NEDD9: variants seen among roughly 807,000 people sequenced by gnomAD.
The protein encoded by NEDD9 is enhancer of filamentation 1.
In NEDD9, 26 loss-of-function variants were observed where a neutral mutation model predicts 76.6. The observed-to-expected ratio is 0.34, with a 90% CI of 0.25 to 0.47. The LOEUF (loss-of-function observed/expected upper bound fraction) is 0.47. Among genes scored for constraint, NEDD9 ranks in the 20% least tolerant of loss-of-function variants. NEDD9 has a pLI of 1.00. For synonymous variants in NEDD9, 392 were observed against 414.2 expected (o/e 0.95, Z 0.65); for missense variants, 937 against 1,058.5 (o/e 0.89, Z 1.59).
At chr6:11,298,022 C>G (rs11754218) in intron 3 of NEDD9, among the ~76,000 whole-genome samples, 21,845 of 151,778 alleles carry the variant, frequency 0.14, 1,635 homozygotes, top group Middle Eastern at 0.22. Context: ...ATTCTCATGC[C>G]TCAGCCTTCT....
intron 3 of NEDD9, among the ~76,000 whole-genome samples, chr6:11,270,042 T>G (rs961054287): frequency 6.6e-6 from 1 of 152,134 alleles, no homozygotes; most frequent in South Asian, 2.1e-4. Flanking sequence ...GGCAGAAGAA[T>G]TGCTTGAACC....
chr6:11,372,666 C>T (rs1178444104), intron 1 of NEDD9, among the ~76,000 whole-genome samples: 1 of 152,126 alleles, frequency 6.6e-6, no homozygotes, highest in Admixed American at 6.5e-5. Context: ...TTTGTTATTG[C>T]CTGACTTTTG....
intron 2 of NEDD9, among the ~76,000 whole-genome samples, chr6:11,329,145 C>G (rs1171378691): frequency 6.6e-6 from 1 of 152,206 alleles, no homozygotes; most frequent in East Asian, 1.9e-4. Flanking sequence ...GGCCCTAAGA[C>G]AAATGCACAA....
At chr6:11,208,329 T>C (rs1375585110) in intron 2 of NEDD9, among the ~76,000 whole-genome samples, 1 of 152,208 alleles carries the variant, frequency 6.6e-6, no homozygotes, top group East Asian at 1.9e-4. Context: ...TGCTCATTGA[T>C]TGTATATGAA....
rs1340131458 is a variant in NEDD9, at chr6:11,201,138, T to G, written c.460-7446A>C. The stretch of plus-strand genomic sequence containing the variant: ...GCAAGTCTCCTTGGGGGCACTTCTT[T>G]CCTTGGGCATCCACTTCACCTCCTT... On this transcript the variant is annotated intron_variant, in intron 2 of 6. Coordinates refer to ENST00000379446, the MANE Select transcript of NEDD9 (RefSeq NM_006403.4). 2.4e-5 allele frequency: 35 copies of G among 1,437,876 alleles called. No homozygotes were observed. In the East Asian group the frequency reaches 7.7e-4, roughly 32 times the overall value. 89.1% of individuals were successfully genotyped at this position (1,437,876 alleles called of 1,614,324 possible).
In NEDD9 at chr6:11,190,485, A is replaced by G; in HGVS notation, c.1384T>C (p.Tyr462His). The G allele has an allele frequency of 1.2e-6, 2 of 1,614,058 alleles. No individual in the cohort carries two copies. The highest frequency in any genetic ancestry group is 1.7e-6 in the Non-Finnish European group (2 of 1,180,010). The change falls in exon 5 of 7, where the codon TAC becomes CAC. Residue 462 changes from tyrosine (Y) to histidine (H), a missense_variant. Tyr to His is a moderately conservative substitution (Grantham distance 83, BLOSUM62 2). Transcript: ENST00000379446. The surrounding 1 kb of genome is among the most constrained non-coding windows in gnomAD (Gnocchi z 5.8). ...VDKVELFLKE[Y>H]LHFVKGAVAN... The stretch of plus-strand genomic sequence containing the variant: ...ACAGCTCCCTTGACAAAGTGGAGGT[A>G]CTCCTTCAGGAACAGCTCCACCTTG...
At chr6:11,187,838 C>T (rs9468564) in intron 6 of NEDD9, among the ~76,000 whole-genome samples, 8 of 152,240 alleles carry the variant, frequency 5.3e-5, no homozygotes, top group South Asian at 2.1e-4. Flanking sequence ...TCTAGTTCTC[C>T]CCAGACCTGG....
chr6:11,222,955 AT>A (rs1472466147), intron 1 of NEDD9, among the ~76,000 whole-genome samples: 1 of 152,098 alleles, frequency 6.6e-6, no homozygotes, highest in Admixed American at 6.5e-5. Context: ...AACTAGGAGG[AT>A]TTTTGTCCCC....
intron 2 of NEDD9, among the ~76,000 whole-genome samples, chr6:11,205,810 T>TG (rs1170269513): frequency 2.0e-5 from 3 of 152,232 alleles, no homozygotes; most frequent in South Asian, 2.1e-4. Flanking sequence ...TTGTATTTAG[T>TG]GGAGACGGGG....
At chr6:11,270,436 G>C (rs537924675) in intron 3 of NEDD9, among the ~76,000 whole-genome samples, 1 of 149,286 alleles carries the variant, frequency 6.7e-6, no homozygotes, top group Non-Finnish European at 1.5e-5. Flanking sequence ...TCTTGCCCCC[G>C]GCTTTTCCTA....
upstream of NEDD9, among the ~76,000 whole-genome samples, chr6:11,234,067 G>T (rs1459359155): frequency 6.6e-6 from 1 of 152,180 alleles, no homozygotes; most frequent in Non-Finnish European, 1.5e-5. Flanking sequence ...GTGTGGCACT[G>T]ATTCCAGGGA....
intron 1 of NEDD9, among the ~76,000 whole-genome samples, chr6:11,361,899 C>T (rs1762686963): frequency 6.6e-6 from 1 of 151,968 alleles, no homozygotes; most frequent in Admixed American, 6.5e-5. Flanking sequence ...CTGAGCCTGG[C>T]ATATGGAGAA....
At chr6:11,219,395 C>T (rs1003292450) in intron 1 of NEDD9, among the ~76,000 whole-genome samples, 8 of 152,180 alleles carry the variant, frequency 5.3e-5, no homozygotes, top group African/African-American at 1.2e-4. Flanking sequence ...ATCAATGGCC[C>T]GGCTTCCTCT....
intron 3 of NEDD9, among the ~76,000 whole-genome samples, chr6:11,293,657 T>C (rs1760825990): frequency 6.6e-6 from 1 of 152,156 alleles, no homozygotes; most frequent in Non-Finnish European, 1.5e-5. Context: ...ATTTAAGATC[T>C]ACTGTGGTAG....
At chr6:11,356,207 A>AT (rs1313220365) in intron 1 of NEDD9, among the ~76,000 whole-genome samples, 1 of 151,902 alleles carries the variant, frequency 6.6e-6, no homozygotes, top group Admixed American at 6.6e-5. Flanking sequence ...GAATTCCATG[A>AT]TTTTTTCTCT....
intron 1 of NEDD9, among the ~76,000 whole-genome samples, chr6:11,371,480 C>T (rs1469315725): frequency 1.3e-5 from 2 of 152,186 alleles, no homozygotes; most frequent in Non-Finnish European, 2.9e-5. Context: ...TACTGGTACC[C>T]TAGTTTTATC....
chr6:11,189,897 T>G lies in NEDD9; in HGVS notation c.1905+67A>C. 7.4e-6 allele frequency: 11 copies of G among 1,487,024 alleles called. No homozygotes were observed. The South Asian group carries it at 1.4e-4, about 19-fold the overall frequency. The allele number at this position is 1,487,024 out of a possible 1,614,324, so 92.1% of individuals were successfully genotyped here. The stretch of plus-strand genomic sequence containing the variant: ...TTGGCAGTCCAACCCGACATCCTTA[T>G]AGGCATCTTTCTCAGGCTCCCTGCA... On this transcript the variant is annotated intron_variant, in intron 5 of 6. Transcript: ENST00000379446.
At chr6:11,363,861 A>G (rs1235348840) in intron 1 of NEDD9, among the ~76,000 whole-genome samples, 2 of 152,120 alleles carry the variant, frequency 1.3e-5, no homozygotes, top group African/African-American at 2.4e-5. Context: ...AGGGCTTCCC[A>G]CAAATTAGGC....
chr6:11,362,365 A>T (rs1762693944), intron 1 of NEDD9, among the ~76,000 whole-genome samples: 1 of 152,182 alleles, frequency 6.6e-6, no homozygotes, highest in East Asian at 1.9e-4. Context: ...GAGTACACTG[A>T]CATAATTCCA....
Sources: gnomAD v4.1 joint callset for allele counts (sites outside exome capture counted in the v4.1 genomes callset) on GRCh38, gnomAD v4.1.1 for gene constraint, Gnocchi (gnomAD v3.1) non-coding constraint, MANE v1.5 for transcripts, NCBI Gene and HGNC (gene_info 2026-07-23, HGNC 2026-07-21) for gene names.